The following MUC4 variants were observed in gnomAD, a reference collection of about 807,000 sequenced individuals.
MUC4 encodes mucin-4.
A neutral mutation model predicts 257.9 loss-of-function variants in MUC4; 202 were observed. The observed-to-expected ratio is 0.78, with a 90% CI of 0.70 to 0.88. The LOEUF (loss-of-function observed/expected upper bound fraction) is 0.88. MUC4 is among the 40% of genes least tolerant of loss of function. The pLI, the probability that MUC4 is intolerant of heterozygous loss-of-function variation, is 0.00. For synonymous variants in MUC4, 2,351 were observed against 2,757.1 expected, an observed-to-expected ratio of 0.85 and a Z score of 4.62; for missense variants, 5,976 against 6,513.7, an observed-to-expected ratio of 0.92 and a Z score of 2.84.
chr3:195,788,754 G>C lies in MUC4; in HGVS notation c.2826C>G (p.Ile942Met). 1.2e-6 allele frequency: 2 copies of C among 1,613,914 alleles called. No homozygotes were observed. Among genetic ancestry groups the C allele is most frequent in the Non-Finnish European group, 8.5e-7 (1 of 1,179,826 alleles). ...GTGGAGATGTAAGCCCAGTGGATGT[G>C]ATCGATGGAGGTGTGGGTGGGACTG... is the stretch of plus-strand genomic sequence containing the variant. Reference protein sequence around the residue: ...FSTVPPTPPSITSTGLTSPQT... With the variant: ...FSTVPPTPPSMTSTGLTSPQT... Residue 942 changes from isoleucine (I) to methionine (M), a missense_variant, in exon 2 of 25, where the codon ATC becomes ATG. By Grantham distance (10) the Ile-to-Met change is conservative. Transcript: ENST00000463781.
At chr3:195,758,823 G>A (rs1344754452) in intron 17 of MUC4, among the ~76,000 whole-genome samples, 1 of 150,176 alleles carries the variant, frequency 6.7e-6, no homozygotes, top group Non-Finnish European at 1.5e-5. Context: ...CGCCCACCTC[G>A]GCCTCCCAAA....
At position 195,790,980 on chromosome 3, in the gene MUC4, A is replaced by G; in HGVS notation, c.600T>C (p.Thr200=). ...DTSASSQNHW[T]RSTQTTRESQ... is the part of the protein sequence containing the mutation. ...ATTCCCTGGTGGTCTGCGTGCTCCG[A>G]GTCCAGTGGTTCTGAGAAGAAGCTG... Residue 200 remains threonine (T), a synonymous_variant, in exon 2 of 25, where the codon ACT becomes ACC. Transcript: ENST00000463781. The G allele has an allele frequency of 6.2e-7, 1 of 1,613,964 alleles. No homozygotes were observed. The highest frequency in any genetic ancestry group is 8.5e-7 in the Non-Finnish European group (1 of 1,179,884).
chr3:195,780,372 T>A lies in MUC4; in HGVS notation c.11208A>T (p.Ser3736=), dbSNP rs1298137832. ...GAGGGGTGACGTGACCTGTGGATGC[T>A]GAGGAAGGGCTGGTGACATGAAGAG... ...VTPLHVTSPS[S]ASTGHVTPLP... is the part of the protein sequence containing the mutation. The change falls in exon 2 of 25, where the codon TCA becomes TCT. Residue 3736 remains serine, a synonymous_variant. Coordinates refer to ENST00000463781, the MANE Select transcript of MUC4 (RefSeq NM_018406.7). 1 of 1,419,656 alleles carries A rather than the reference T, an allele frequency of 7.0e-7. No individual in the cohort carries two copies. Among genetic ancestry groups the A allele is most frequent in the Non-Finnish European group, 9.5e-7 (1 of 1,049,634 alleles). The allele number at this position is 1,419,656 out of a possible 1,614,324, so 87.9% of individuals were successfully genotyped here.
At position 195,761,056 on chromosome 3, in the gene MUC4, G is replaced by A; in HGVS notation, c.14676C>T (p.Thr4892=). The part of the protein sequence containing the change: ...KRNDQLPSNF[T]PVFYSQLQKN... Reference sequence around the variant, plus strand: ...TTTGCAGTTGTGAGTAGAAAACAGGGGTGAAGTTGGAAGGCAGCTGGTCAT... The same window carrying A: ...TTTGCAGTTGTGAGTAGAAAACAGGAGTGAAGTTGGAAGGCAGCTGGTCAT... The change falls in exon 16 of 25, where the codon ACC becomes ACT. Residue 4892 remains threonine, a synonymous_variant. Coordinates refer to ENST00000463781, the MANE Select transcript of MUC4 (RefSeq NM_018406.7). 5 of 1,614,178 alleles carry A rather than the reference G, an allele frequency of 3.1e-6. No homozygotes were observed. The highest frequency in any genetic ancestry group is 4.2e-6 in the Non-Finnish European group (5 of 1,180,014).
chr3:195,801,969 T>C (rs1470769289), intron 1 of MUC4, among the ~76,000 whole-genome samples: 2 of 152,042 alleles, frequency 1.3e-5, no homozygotes, highest in East Asian at 1.9e-4. Flanking sequence ...CCAGATGACA[T>C]GTCTCCAGCC....
At chr3:195,774,944 A>G (rs1437462646) in intron 3 of MUC4, among the ~76,000 whole-genome samples, 4 of 150,636 alleles carry the variant, frequency 2.7e-5, no homozygotes, top group African/African-American at 9.7e-5. Context: ...CGCAATGAAG[A>G]TGAGTAACTG....
chr3:195,764,867 A>G, intron 10 of MUC4, 130 bp downstream of exon 10: 1 of 1,340,660 alleles, frequency 7.5e-7, no homozygotes, highest in Non-Finnish European at 1.0e-6. Context: ...GAAGCTTCCT[A>G]ACGTTACCCG....
chr3:195,781,617 TG>T lies in MUC4; in HGVS notation c.9962del (p.Ala3321AspfsTer938). ...TPLLVTDASS[A>X]STGHATPLHV... Reference sequence around the variant, plus strand: ...GAAGAGGGGTGGCGTGACCTGTGGATGCTGAGGAAGCGTCGGTGACAAGAAG... The same window carrying T: ...GAAGAGGGGTGGCGTGACCTGTGGATCTGAGGAAGCGTCGGTGACAAGAAG... On this transcript the variant is annotated frameshift_variant, in exon 2 of 25. Coordinates refer to ENST00000463781, the MANE Select transcript of MUC4 (RefSeq NM_018406.7). LOFTEE classifies it high-confidence loss of function. The T allele has an allele frequency of 1.9e-6, 1 of 526,024 alleles. No homozygotes were observed. The highest frequency in any genetic ancestry group is 2.7e-6 in the Non-Finnish European group (1 of 377,074). The allele number at this position is 526,024 out of a possible 1,614,324, so 32.6% of individuals were successfully genotyped here.
intron 1 of MUC4, among the ~76,000 whole-genome samples, chr3:195,793,824 C>G (rs1318360533): frequency 6.6e-6 from 1 of 152,090 alleles, no homozygotes; most frequent in African/African-American, 2.4e-5. Context: ...TTTTCTTTTT[C>G]GTTGTTAACA....
intron 20 of MUC4, 48 bp downstream of exon 20, chr3:195,753,003 G>A (rs759007299): frequency 3.9e-6 from 6 of 1,520,494 alleles, no homozygotes; most frequent in Non-Finnish European, 5.4e-6. Context: ...TGAGAGGGTG[G>A]GGCCCAGGAA....
chr3:195,807,878 C>G (rs1366753253), intron 1 of MUC4, among the ~76,000 whole-genome samples: 1 of 151,922 alleles, frequency 6.6e-6, no homozygotes, highest in Admixed American at 6.5e-5. Context: ...GTGTCAAGCA[C>G]TGCCAGGCCA....
At chr3:195,767,567 C>CCACCAT (rs1721128458) in intron 7 of MUC4, among the ~76,000 whole-genome samples, 10 of 109,312 alleles carry the variant, frequency 9.1e-5, no homozygotes, top group African/African-American at 4.5e-4. Flanking sequence ...ACCATTGCCA[C>CCACCAT]CACCATCACC....
In MUC4 at chr3:195,787,080, A is replaced by T; in HGVS notation, c.4500T>A (p.Gly1500=). The T allele has an allele frequency of 7.5e-7, 1 of 1,336,196 alleles. No individual in the cohort carries two copies. The highest frequency in any genetic ancestry group is 1.0e-6 in the Non-Finnish European group (1 of 981,684). 82.8% of individuals were successfully genotyped at this position (1,336,196 alleles called of 1,614,324 possible). Residue 1500 remains glycine (G), a synonymous_variant, in exon 2 of 25, where the codon GGT becomes GGA. Coordinates refer to ENST00000463781, the MANE Select transcript of MUC4 (RefSeq NM_018406.7). ...PVTSTSSAST[G]HVTPLHVTSP... is the part of the protein sequence containing the mutation. ...TGGTGACATGAAGAGGAGTGACGTG[A>T]CCTGTGGATGCTGAGGAAGTGCTAG...
In MUC4 at chr3:195,789,403, G is replaced by A; in HGVS notation, c.2177C>T (p.Pro726Leu). The A allele has an allele frequency of 6.2e-7, 1 of 1,613,948 alleles. No homozygotes were observed. The highest frequency in any genetic ancestry group is 1.1e-5 in the South Asian group (1 of 91,072). Residue 726 changes from proline (P) to leucine (L), a missense_variant, in exon 2 of 25, where the codon CCC (proline) becomes CTC (leucine). Physicochemically the swap from Pro to Leu is moderately conservative, Grantham distance 98 (BLOSUM62 -3). Transcript: ENST00000463781. ...APSSHDATLG[P>L]SGGTSLSKTG... ...TTTGGAAAGTGACGTGCCTCCTGAGGGCCCCAGGGTGGCATCATGGCTGCT... is the reference window on the plus strand; with the variant it reads ...TTTGGAAAGTGACGTGCCTCCTGAGAGCCCCAGGGTGGCATCATGGCTGCT...
Position 195,762,843 on chromosome 3 carries a change from T to A in MUC4, c.14344+12A>T, listed in dbSNP as rs1172384562. 4.5e-6 allele frequency: 7 copies of A among 1,543,976 alleles called. No individual in the cohort carries two copies. Among genetic ancestry groups the A allele is most frequent in the Non-Finnish European group, 6.1e-6 (7 of 1,145,162 alleles). On this transcript the variant is annotated intron_variant, in intron 13 of 24. Transcript: ENST00000463781. Reference sequence around the variant, plus strand: ...GGTGCGGGGAGGGGGCGGCCGGCGCTCCCCAACCTACCTCCGCCGTCTTCA... The same window carrying A: ...GGTGCGGGGAGGGGGCGGCCGGCGCACCCCAACCTACCTCCGCCGTCTTCA...
chr3:195,780,069 G>A lies in MUC4; in HGVS notation c.11511C>T (p.His3837=), dbSNP rs201483428. 2.2e-5 allele frequency: 16 copies of A among 714,488 alleles called. 2 individuals carry two copies. Among genetic ancestry groups the A allele is most frequent in the Middle Eastern group, 4.9e-4 (1 of 2,038 alleles). 44.3% of individuals were successfully genotyped at this position (714,488 alleles called of 1,614,324 possible). ...VTDASSASTG[H]ATPLPVTIPS... ...GGATGGTGACAGGAAGAGGGGTGGC[G>A]TGACCTGTGGATGCTGAGGAAGCGT... Residue 3837 remains histidine, a synonymous_variant, in exon 2 of 25, where the codon CAC becomes CAT. Transcript: ENST00000463781.
chr3:195,790,340 C>A lies in MUC4; in HGVS notation c.1240G>T (p.Val414Leu). 6.2e-7 allele frequency: 1 copy of A among 1,613,942 alleles called. No homozygotes were observed. ...GTGATTGCAGAAATGGTTCCACTTA[C>A]AGATAGTGATGTCTCCTCTGTGTTT... ...LGNTEETSLSVSGTISAITSK... is the reference protein window; with the variant it reads ...LGNTEETSLSLSGTISAITSK... Residue 414 changes from valine to leucine, a missense_variant, in exon 2 of 25, where the codon GTA (valine) becomes TTA (leucine). Val to Leu is a conservative substitution (Grantham distance 32). Coordinates refer to ENST00000463781, the MANE Select transcript of MUC4 (RefSeq NM_018406.7).
intron 1 of MUC4, among the ~76,000 whole-genome samples, chr3:195,796,221 T>G (rs1248462671): frequency 6.6e-6 from 1 of 152,042 alleles, no homozygotes; most frequent in South Asian, 2.1e-4. Context: ...TAGCTGGGAT[T>G]ACAGGCGCAT....
intron 6 of MUC4, 25 bp downstream of exon 6, chr3:195,770,191 G>A: frequency 1.3e-6 from 2 of 1,547,648 alleles, no homozygotes; most frequent in Non-Finnish European, 1.7e-6. Context: ...GATAGCTCCT[G>A]GGAGCTGCCC....
Sources: gnomAD v4.1 joint callset for allele counts (sites outside exome capture counted in the v4.1 genomes callset) on GRCh38, gnomAD v4.1.1 for gene constraint, MANE v1.5 for transcripts, NCBI Gene and HGNC (gene_info 2026-07-23, HGNC 2026-07-21) for gene names.